Variants in CERS4 observed in about 807,000 individuals in gnomAD.
CERS4 encodes the protein ceramide synthase 4.
In CERS4, 65 loss-of-function variants were observed where a neutral mutation model predicts 51.8. That is an observed-to-expected ratio of 1.26 (90% confidence interval 1.03 to 1.54). The LOEUF is 1.54. Ranked by LOEUF, CERS4 falls within the 40% of genes most tolerant of loss-of-function variation. The probability of loss-of-function intolerance (pLI) is 0.00; values close to 1 mark genes in which losing one functional copy is unlikely to be tolerated. For missense variants in CERS4, 563 were observed against 500.4 expected (o/e 1.13, Z -1.19); for synonymous variants, 228 against 208.4 (o/e 1.09, Z -0.81).
chr19:8,231,717 T>G (rs1968010610), intron 2 of CERS4, among the ~76,000 whole-genome samples: 1 of 151,608 alleles, frequency 6.6e-6, no homozygotes, highest in African/African-American at 2.4e-5. Flanking sequence ...CCCGGCTAAT[T>G]TTCTTTTTGT....
chr19:8,251,398 C>G, intron 3 of CERS4, 149 bp downstream of exon 3: 1 of 1,353,362 alleles, frequency 7.4e-7, no homozygotes, highest in Non-Finnish European at 9.6e-7. Flanking sequence ...TGCCCCCAGC[C>G]GCCACCACCC....
intron 2 of CERS4, among the ~76,000 whole-genome samples, chr19:8,236,342 G>T (rs1032070086): frequency 6.6e-6 from 1 of 152,148 alleles, no homozygotes; most frequent in Non-Finnish European, 1.5e-5. Flanking sequence ...TTTCTTTGGA[G>T]GGGGAACTCT....
chr19:8,251,902 C>G (rs756018780), intron 3 of CERS4, among the ~76,000 whole-genome samples: 3 of 151,718 alleles, frequency 2.0e-5, no homozygotes, highest in Non-Finnish European at 4.4e-5. Context: ...CAGTTTCAAA[C>G]GCAGGGGTTT....
rs138394312 is a variant in CERS4 at position 8,257,972 on chromosome 19, C to A, written c.835C>A (p.Leu279Ile). ...TGTCTTCTTCTACACCCGACTGGTCCTCTTTCCCACCCAGTGAGTCAGCCC... is the reference window on the plus strand; with the variant it reads ...TGTCTTCTTCTACACCCGACTGGTCATCTTTCCCACCCAGTGAGTCAGCCC... ...SFVFFYTRLV[L>I]FPTQILYTTY... The change falls in exon 10 of 12, where the codon CTC becomes ATC. Residue 279 changes from leucine (L) to isoleucine (I), a missense_variant. Physicochemically the swap from Leu to Ile is conservative, Grantham distance 5 (BLOSUM62 2). Coordinates refer to ENST00000251363, the MANE Select transcript of CERS4 (RefSeq NM_024552.3). 11 of 1,613,688 alleles carry A rather than the reference C, an allele frequency of 6.8e-6. No individual in the cohort carries two copies. Among genetic ancestry groups the A allele is most frequent in the Non-Finnish European group, 7.6e-6 (9 of 1,179,848 alleles).
intron 2 of CERS4, chr19:8,238,621 G>A: frequency 1.0e-6 from 1 of 979,838 alleles, no homozygotes. Context: ...AGAGTTGGGT[G>A]GGCACCTGCT....
At chr19:8,240,194 G>C (rs1450379757) in intron 2 of CERS4, among the ~76,000 whole-genome samples, 1 of 152,096 alleles carries the variant, frequency 6.6e-6, no homozygotes, top group East Asian at 1.9e-4. Flanking sequence ...CAGTTGCTAT[G>C]GATTAAGCTG....
At chr19:8,221,458 T>C (rs959285260) in intron 2 of CERS4, among the ~76,000 whole-genome samples, 1 of 152,204 alleles carries the variant, frequency 6.6e-6, no homozygotes, top group Non-Finnish European at 1.5e-5. Flanking sequence ...GGCTTGCTCT[T>C]TCAGGGAGAG....
chr19:8,255,856 G>T lies in CERS4; in HGVS notation c.445G>T (p.Gly149Cys), dbSNP rs760280128. The change falls in exon 6 of 12, where the codon GGC becomes TGC. Residue 149 changes from glycine to cysteine, a missense_variant. Transcript: ENST00000251363. ...RFLFYLSSFV[G>C]GLSVLYHESW... ...TCTCTTCTACCTGTCCTCCTTCGTG[G>T]GCGGCCTCTCGGTCCTGTACCACGT... is the stretch of plus-strand genomic sequence containing the variant. 1 of 1,613,766 alleles carries T rather than the reference G, an allele frequency of 6.2e-7. No individual in the cohort carries two copies. Among genetic ancestry groups the T allele is most frequent in the Non-Finnish European group, 8.5e-7 (1 of 1,180,012 alleles).
chr19:8,258,041 A>T, intron 10 of CERS4, 56 bp downstream of exon 10: 2 of 1,343,636 alleles, frequency 1.5e-6, no homozygotes, highest in Non-Finnish European at 1.1e-6. Flanking sequence ...CTGAGATTCC[A>T]GGACTGCCTC....
chr19:8,229,017 A>T (rs1215428947), intron 2 of CERS4, among the ~76,000 whole-genome samples: 1 of 147,932 alleles, frequency 6.8e-6, no homozygotes, highest in East Asian at 2.0e-4. Flanking sequence ...GTGAGACTTC[A>T]TCTAAAAAAA....
intron 3 of CERS4, among the ~76,000 whole-genome samples, chr19:8,253,323 G>A (rs935498073): frequency 3.3e-5 from 5 of 152,196 alleles, no homozygotes; most frequent in Non-Finnish European, 5.9e-5. Context: ...GTCAGACCAG[G>A]ACCCAGGCCA....
At chr19:8,257,114 G>T (rs776961180) in intron 9 of CERS4, 37 bp downstream of exon 9, 35 of 1,553,052 alleles carry the variant, frequency 2.3e-5, no homozygotes, top group Non-Finnish European at 2.9e-5. Context: ...CCCAGCTGCT[G>T]TACCCAGCCC....
chr19:8,226,568 G>A (rs1967796800), intron 2 of CERS4, among the ~76,000 whole-genome samples: 1 of 152,196 alleles, frequency 6.6e-6, no homozygotes, highest in South Asian at 2.1e-4. Context: ...TCTCCACCCT[G>A]GAAGGTGGGC....
intron 2 of CERS4, among the ~76,000 whole-genome samples, chr19:8,247,098 G>A (rs1180454618): frequency 6.6e-6 from 1 of 152,226 alleles, no homozygotes; most frequent in Non-Finnish European, 1.5e-5. Flanking sequence ...CCCTCAAGGT[G>A]GAGGTTGCAG....
chr19:8,254,149 C>T (rs12979393), intron 3 of CERS4, among the ~76,000 whole-genome samples: 3 of 151,518 alleles, frequency 2.0e-5, no homozygotes, highest in Non-Finnish European at 2.9e-5. Context: ...AGTGAAACCC[C>T]GTCTCTACTA....
intron 2 of CERS4, chr19:8,250,723 G>A (rs1426474257): frequency 2.7e-6 from 2 of 727,540 alleles, no homozygotes; most frequent in East Asian, 2.2e-4. Context: ...CTAAAGTGCT[G>A]GGATTACAGG....
chr19:8,220,045 G>A (rs1390050733), intron 2 of CERS4, among the ~76,000 whole-genome samples: 1 of 151,680 alleles, frequency 6.6e-6, no homozygotes, highest in African/African-American at 2.4e-5. Flanking sequence ...CTCCACGGCT[G>A]CTGCCCTCAC....
At chr19:8,237,924 C>T (rs145369505) in intron 2 of CERS4, among the ~76,000 whole-genome samples, 11 of 152,266 alleles carry the variant, frequency 7.2e-5, no homozygotes, top group Admixed American at 2.0e-4. Context: ...ATTATACCTC[C>T]GTAATGCTGT....
intron 2 of CERS4, among the ~76,000 whole-genome samples, chr19:8,232,203 ATTTC>A (rs1234288101): frequency 6.6e-6 from 1 of 151,874 alleles, no homozygotes; most frequent in Non-Finnish European, 1.5e-5. Flanking sequence ...ACCCAGTGCC[ATTTC>A]TTTCTTCCAT....
Sources: gnomAD v4.1 joint callset for allele counts (sites outside exome capture counted in the v4.1 genomes callset) on GRCh38, gnomAD v4.1.1 for gene constraint, MANE v1.5 for transcripts, NCBI Gene and HGNC (gene_info 2026-07-23, HGNC 2026-07-21) for gene names.